PPP6R3: variants seen among roughly 807,000 people sequenced by gnomAD.
The protein encoded by PPP6R3 is protein phosphatase 6 regulatory subunit 3.
PPP6R3 carries 38 observed loss-of-function variants against 110.7 expected under a neutral mutation model. The observed-to-expected ratio is 0.34, with a 90% CI of 0.26 to 0.45. The LOEUF (loss-of-function observed/expected upper bound fraction) is 0.45, where lower values mean the gene tolerates loss of function less well. PPP6R3 is among the 20% of genes least tolerant of loss of function. The pLI is 1.00. For missense variants in PPP6R3, 870 were observed against 1,062.4 expected (o/e 0.82, Z 2.52); for synonymous variants, 369 against 373.5 (o/e 0.99, Z 0.14).
intron 1 of PPP6R3, among the ~76,000 whole-genome samples, chr11:68,505,874 T>G (rs1446116576): frequency 1.3e-5 from 2 of 152,136 alleles, no homozygotes; most frequent in African/African-American, 4.8e-5. Context: ...TGACTAGAAT[T>G]GCCAGCTACA....
chr11:68,566,126 T>C (rs551896734), intron 9 of PPP6R3, among the ~76,000 whole-genome samples: 2 of 152,296 alleles, frequency 1.3e-5, no homozygotes, highest in East Asian at 3.9e-4. Flanking sequence ...ACATTTCAGG[T>C]TTGTGATCCA....
intron 10 of PPP6R3, 37 bp downstream of exon 10, chr11:68,567,203 C>T: frequency 6.7e-7 from 1 of 1,497,150 alleles, no homozygotes; most frequent in Non-Finnish European, 9.0e-7. Flanking sequence ...TTTAATTTGC[C>T]ATTGATATTT....
At chr11:68,586,197 CAG>C (rs1208532389) in intron 15 of PPP6R3, 7 of 152,146 alleles carry the variant, frequency 4.6e-5, no homozygotes, top group Admixed American at 2.6e-4. Flanking sequence ...TAGATAAACT[CAG>C]AGCGTGGTTC....
chr11:68,554,141 T>TA lies in PPP6R3; in HGVS notation c.619-4_619-3insA. The stretch of plus-strand genomic sequence containing the variant: ...ATGGTTAAAATTGTACTTTTTTCCT[T>TA]TAGCGACATTCAAATGCATCACAAT... On this transcript the variant is annotated splice_polypyrimidine_tract_variant and splice_region_variant and intron_variant, in intron 6 of 23. Coordinates refer to ENST00000393800, the MANE Select transcript of PPP6R3 (RefSeq NM_001164161.2). 6.3e-7 allele frequency: 1 copy of TA among 1,598,958 alleles called. No individual in the cohort carries two copies. The highest frequency in any genetic ancestry group is 1.1e-5 in the South Asian group (1 of 87,982).
intron 19 of PPP6R3, 96 bp downstream of exon 19, chr11:68,596,314 TCTGAA>T: frequency 6.5e-7 from 1 of 1,527,712 alleles, no homozygotes; most frequent in African/African-American, 1.4e-5. Context: ...TGAGATGATA[TCTGAA>T]GGAAAGGTTG....
chr11:68,506,610 T>G (rs1034552251), intron 1 of PPP6R3, among the ~76,000 whole-genome samples: 1 of 152,130 alleles, frequency 6.6e-6, no homozygotes, highest in African/African-American at 2.4e-5. Context: ...TTTGTGATTT[T>G]GAAATGCACA....
rs1480182321 is a variant in PPP6R3 at position 68,613,340 on chromosome 11, ATATTG to A, written c.*230_*234del. The A allele has an allele frequency of 3.8e-6, 5 of 1,325,442 alleles. No homozygotes were observed. The African/African-American group carries it at 4.5e-5, about 12-fold the overall frequency. The allele number at this position is 1,325,442 out of a possible 1,614,324, so 82.1% of individuals were successfully genotyped here. ...ATACCAAGAATTTTTGCGTATGTTTATATTGTATTGTTCTAAATAATGGGTAGCCT... is the reference window on the plus strand; with the variant it reads ...ATACCAAGAATTTTTGCGTATGTTTATATTGTTCTAAATAATGGGTAGCCT... On this transcript the variant is annotated 3_prime_UTR_variant, in exon 24 of 24. Coordinates refer to ENST00000393800, the MANE Select transcript of PPP6R3 (RefSeq NM_001164161.2).
Position 68,613,846 on chromosome 11 carries a change from C to T in PPP6R3, c.*729C>T. The T allele has an allele frequency of 2.0e-6, 2 of 984,286 alleles. No individual in the cohort carries two copies. The highest frequency in any genetic ancestry group is 2.4e-6 in the Non-Finnish European group (2 of 829,762). The allele number at this position is 984,286 out of a possible 1,614,324, so 61.0% of individuals were successfully genotyped here. ...GTCTTGTTTGCTTGAAATGATTATT[C>T]CTACAAGTGAAACACTAGACTATTT... On this transcript the variant is annotated 3_prime_UTR_variant, in exon 24 of 24. Coordinates refer to ENST00000393800, the MANE Select transcript of PPP6R3 (RefSeq NM_001164161.2).
intron 14 of PPP6R3, 129 bp from the exon 15 acceptor site, chr11:68,582,901 GGCAGCTTAACTGT>G: frequency 3.0e-6 from 2 of 671,794 alleles, no homozygotes; most frequent in Non-Finnish European, 4.9e-6. Context: ...GGGCGGGTTT[GGCAGCTTAACTGT>G]GACTGACTTT....
chr11:68,547,429 C>T (rs2099353650), intron 4 of PPP6R3, among the ~76,000 whole-genome samples: 1 of 152,206 alleles, frequency 6.6e-6, no homozygotes, highest in Non-Finnish European at 1.5e-5. Context: ...TCTCCCTGGT[C>T]TCCCAGAGCA....
At chr11:68,506,626 A>G (rs1014500592) in intron 1 of PPP6R3, among the ~76,000 whole-genome samples, 1 of 152,028 alleles carries the variant, frequency 6.6e-6, no homozygotes, top group African/African-American at 2.4e-5. Context: ...GCACAGTGGG[A>G]TGAGTATTTA....
intron 1 of PPP6R3, among the ~76,000 whole-genome samples, chr11:68,471,515 G>T (rs2098792153): frequency 6.6e-6 from 1 of 152,168 alleles, no homozygotes; most frequent in South Asian, 2.1e-4. Context: ...TCGTCTCATG[G>T]CTCTGGCAGC....
At chr11:68,555,137 C>T (rs145557854) in intron 7 of PPP6R3, among the ~76,000 whole-genome samples, 5 of 152,222 alleles carry the variant, frequency 3.3e-5, no homozygotes, top group African/African-American at 1.2e-4. Flanking sequence ...ATGTAGAATA[C>T]GAAGGGGTTG....
intron 14 of PPP6R3, among the ~76,000 whole-genome samples, chr11:68,576,626 AT>A (rs11353865): frequency 0.32 from 48,253 of 152,008 alleles, 8,692 homozygotes; most frequent in African/African-American, 0.48. Flanking sequence ...TTTTAAACAC[AT>A]TTAAGTTTTA....
intron 1 of PPP6R3, among the ~76,000 whole-genome samples, chr11:68,476,867 A>T (rs575690869): frequency 2.6e-4 from 39 of 151,780 alleles, no homozygotes; most frequent in African/African-American, 8.7e-4. Context: ...ACATATATAT[A>T]TTTTTTTATT....
intron 15 of PPP6R3, chr11:68,586,278 T>G (rs1300420565): frequency 6.6e-6 from 1 of 152,198 alleles, no homozygotes; most frequent in Non-Finnish European, 1.5e-5. Flanking sequence ...GCATCTGTTT[T>G]GCCTCATAAA....
At chr11:68,611,038 AAAAC>A (rs908508240) in intron 23 of PPP6R3, among the ~76,000 whole-genome samples, 11 of 152,312 alleles carry the variant, frequency 7.2e-5, no homozygotes, top group South Asian at 4.1e-4. Flanking sequence ...TTTTGCATAT[AAAAC>A]AAACAAATTA....
chr11:68,500,488 A>AT (rs1263945931), intron 1 of PPP6R3, among the ~76,000 whole-genome samples: 3 of 151,892 alleles, frequency 2.0e-5, no homozygotes, highest in African/African-American at 7.3e-5. Context: ...AAACTTTTTT[A>AT]TTTTTTTGAG....
At position 68,601,984 on chromosome 11, in the gene PPP6R3, G is replaced by C; in HGVS notation, c.2299+15G>C. 1.9e-6 allele frequency: 3 copies of C among 1,592,256 alleles called. No individual in the cohort carries two copies. The highest frequency in any genetic ancestry group is 2.6e-6 in the Non-Finnish European group (3 of 1,165,770). ...GCAGCCAGAAGGTGCGTGCAGAGAG[G>C]CCTGGGTACACGCCAGGGTCACGTG... On this transcript the variant is annotated intron_variant, in intron 21 of 23. Coordinates refer to ENST00000393800, the MANE Select transcript of PPP6R3 (RefSeq NM_001164161.2).
Sources: gnomAD v4.1 joint callset for allele counts (sites outside exome capture counted in the v4.1 genomes callset) on GRCh38, gnomAD v4.1.1 for gene constraint, MANE v1.5 for transcripts, NCBI Gene and HGNC (gene_info 2026-07-23, HGNC 2026-07-21) for gene names.